Variants in BCL9 observed in about 807,000 individuals in gnomAD.
BCL9 encodes the protein BCL9 transcription coactivator.
In BCL9, 25 loss-of-function variants were observed where a neutral mutation model predicts 88.5. The observed-to-expected ratio is 0.28, with a 90% CI of 0.21 to 0.39. BCL9 has a LOEUF of 0.39. Ranked by LOEUF, BCL9 falls within the 10% of genes least tolerant of loss-of-function variation. The pLI is 1.00. For missense variants in BCL9, 1,817 were observed against 1,877.8 expected (o/e 0.97, Z 0.60); for synonymous variants, 711 against 673.3 (o/e 1.06, Z -0.87).
At position 147,613,010 on chromosome 1, in the gene BCL9, C is replaced by A. The variant is rs1553202897; in HGVS notation, c.181C>A (p.Pro61Thr). 1.9e-6 allele frequency: 3 copies of A among 1,603,598 alleles called. No homozygotes were observed. The East Asian group carries it at 6.7e-5, about 36-fold the overall frequency. The part of the protein sequence containing the change: ...KQGGSASQSQ[P>T]SPCDSKSGGH... Reference sequence around the variant, plus strand: ...GGGGGGCTCAGCCAGCCAATCCCAGCCATCCCCCTGTGACTCCAAGAGTGG... The same window carrying A: ...GGGGGGCTCAGCCAGCCAATCCCAGACATCCCCCTGTGACTCCAAGAGTGG... Residue 61 changes from proline (P) to threonine (T), a missense_variant, in exon 5 of 10, where the codon CCA becomes ACA. Transcript: ENST00000234739.
intron 3 of BCL9, among the ~76,000 whole-genome samples, chr1:147,610,979 A>C (rs1657971635): frequency 6.6e-6 from 1 of 152,230 alleles, no homozygotes; most frequent in Admixed American, 6.5e-5. Context: ...TTTAATAGAA[A>C]GATCATGGAA....
chr1:147,619,438 C>G lies in BCL9; in HGVS notation c.1283C>G (p.Ala428Gly), dbSNP rs1553204571. Residue 428 changes from alanine to glycine, a missense_variant, in exon 8 of 10, where the codon GCT becomes GGT. By Grantham distance (60) the Ala-to-Gly change is moderately conservative. Coordinates refer to ENST00000234739, the MANE Select transcript of BCL9 (RefSeq NM_004326.4). The surrounding 1 kb of genome is among the most constrained non-coding windows in gnomAD (Gnocchi z 4.1). ...CCTGGGCCCCGGACAGACGTGGGAG[C>G]TCCATTTGGCCCTCAAGGACATAGA... is the stretch of plus-strand genomic sequence containing the variant. ...KGPGPRTDVG[A>G]PFGPQGHRDV... The G allele has an allele frequency of 1.2e-6, 2 of 1,614,144 alleles. No individual in the cohort carries two copies. Among genetic ancestry groups the G allele is most frequent in the Admixed American group, 3.3e-5 (2 of 60,026 alleles).
chr1:147,581,484 A>G (rs1365692972), intron 1 of BCL9, among the ~76,000 whole-genome samples: 2 of 152,226 alleles, frequency 1.3e-5, no homozygotes, highest in Non-Finnish European at 2.9e-5. Flanking sequence ...CGATAATAAA[A>G]CAAAAGAAGC....
rs782788303 is a variant in BCL9, at chr1:147,614,455, C to T, written c.399C>T (p.Ser133=). 15 of 1,613,752 alleles carry T rather than the reference C, an allele frequency of 9.3e-6. No individual in the cohort carries two copies. The South Asian group carries it at 9.9e-5, about 11-fold the overall frequency. ...KECNSADHIK[S]QDSQHTPHSM... Reference sequence around the variant, plus strand: ...GTAATTCTGCTGACCACATAAAGTCCCAGGATTCCCAGCACACACCACACT... The same window carrying T: ...GTAATTCTGCTGACCACATAAAGTCTCAGGATTCCCAGCACACACCACACT... The change falls in exon 6 of 10, where the codon TCC becomes TCT. Residue 133 remains serine (S), a synonymous_variant. Coordinates refer to ENST00000234739, the MANE Select transcript of BCL9 (RefSeq NM_004326.4).
At chr1:147,565,107 C>T (rs1655544645) in intron 1 of BCL9, among the ~76,000 whole-genome samples, 1 of 152,118 alleles carries the variant, frequency 6.6e-6, no homozygotes, top group South Asian at 2.1e-4. Flanking sequence ...AATGCTTTCT[C>T]TCCCAACTTT....
chr1:147,542,107 G>T (rs1553193863), intron 1 of BCL9, among the ~76,000 whole-genome samples: 1 of 152,178 alleles, frequency 6.6e-6, no homozygotes, highest in African/African-American at 2.4e-5. Flanking sequence ...TCCGCCGAGT[G>T]ACTGCAGAGA....
At chr1:147,615,610 T>C (rs1658237923) in intron 6 of BCL9, among the ~76,000 whole-genome samples, 193 bp from the exon 7 acceptor site, 1 of 152,256 alleles carries the variant, frequency 6.6e-6, no homozygotes, top group Non-Finnish European at 1.5e-5. Context: ...CTTTTAATTT[T>C]AGAAGTTTGA....
intron 1 of BCL9, among the ~76,000 whole-genome samples, chr1:147,550,482 A>G (rs1654840573): frequency 6.6e-6 from 1 of 152,192 alleles, no homozygotes; most frequent in Non-Finnish European, 1.5e-5. Flanking sequence ...GGGAGAGGGA[A>G]GTGTATTAGA....
intron 5 of BCL9, 40 bp downstream of exon 5, chr1:147,613,239 T>C: frequency 6.2e-7 from 1 of 1,606,982 alleles, no homozygotes; most frequent in Non-Finnish European, 8.5e-7. Flanking sequence ...GGGAAGTAGG[T>C]GTTCCTGAGG....
intron 1 of BCL9, among the ~76,000 whole-genome samples, chr1:147,597,301 T>C (rs1390505): frequency 0.31 from 47,386 of 152,158 alleles, 12,586 homozygotes; most frequent in African/African-American, 0.71. Flanking sequence ...ATAAATGCTA[T>C]GATTAGCTAA....
At chr1:147,543,031 T>A (rs782223709) in intron 1 of BCL9, among the ~76,000 whole-genome samples, 2 of 152,234 alleles carry the variant, frequency 1.3e-5, no homozygotes, top group African/African-American at 4.8e-5. Context: ...TACTCGCCGG[T>A]GGTTTTGTGG....
intron 1 of BCL9, among the ~76,000 whole-genome samples, chr1:147,566,583 T>C (rs1160030616): frequency 1.3e-5 from 2 of 151,616 alleles, no homozygotes; most frequent in African/African-American, 2.4e-5. Flanking sequence ...GGTGAAACCC[T>C]GTCTCTACTA....
chr1:147,622,423 C>T lies in BCL9; in HGVS notation c.3055C>T (p.Pro1019Ser). 1 of 1,614,170 alleles carries T rather than the reference C, an allele frequency of 6.2e-7. No individual in the cohort carries two copies. Among genetic ancestry groups the T allele is most frequent in the Non-Finnish European group, 8.5e-7 (1 of 1,180,034 alleles). Residue 1019 changes from proline (P) to serine (S), a missense_variant, in exon 9 of 10, where the codon CCC (proline) becomes TCC (serine). Pro to Ser is a moderately conservative substitution (Grantham distance 74). Around this residue, in one of 2 missense-constraint regions of BCL9, gnomAD observed 589 missense variants for 686.2 expected, o/e 0.86. Coordinates refer to ENST00000234739, the MANE Select transcript of BCL9 (RefSeq NM_004326.4). ...MMSRMSKFAMPSSTPLYHDAI... is the reference protein window; with the variant it reads ...MMSRMSKFAMSSSTPLYHDAI... ...GTCTCGAATGTCCAAGTTTGCAATG[C>T]CCAGTTCCACCCCGTTATACCATGA...
chr1:147,570,702 C>T (rs1478560334), intron 1 of BCL9, among the ~76,000 whole-genome samples: 4 of 134,934 alleles, frequency 3.0e-5, no homozygotes, highest in African/African-American at 8.3e-5. Context: ...ATGGCAAGAT[C>T]TCAGCTCACT....
intron 1 of BCL9, among the ~76,000 whole-genome samples, chr1:147,567,862 C>G (rs1198361516): frequency 2.6e-5 from 4 of 152,116 alleles, no homozygotes; most frequent in Non-Finnish European, 4.4e-5. Flanking sequence ...TGCTAGTGAC[C>G]CAGCAGGTCT....
chr1:147,583,188 A>G (rs1464918332), intron 1 of BCL9, among the ~76,000 whole-genome samples: 1 of 152,152 alleles, frequency 6.6e-6, no homozygotes, highest in African/African-American at 2.4e-5. Context: ...TAAGAATATT[A>G]ATGTCTTTTC....
intron 1 of BCL9, among the ~76,000 whole-genome samples, chr1:147,582,635 C>G (rs1380398062): frequency 6.6e-6 from 1 of 152,112 alleles, no homozygotes; most frequent in African/African-American, 2.4e-5. Context: ...GGGAAAAAAT[C>G]AACAGAATAA....
intron 1 of BCL9, among the ~76,000 whole-genome samples, chr1:147,544,498 C>T (rs1553194084): frequency 6.6e-6 from 1 of 152,312 alleles, no homozygotes; most frequent in East Asian, 1.9e-4. Flanking sequence ...CATGAAGTAA[C>T]TTCACTCTTG....
chr1:147,620,585 T>G lies in BCL9; in HGVS notation c.2430T>G (p.Thr810=). The G allele has an allele frequency of 2.5e-6, 4 of 1,614,142 alleles. No individual in the cohort carries two copies. The highest frequency in any genetic ancestry group is 3.4e-6 in the Non-Finnish European group (4 of 1,180,018). Residue 810 remains threonine, a synonymous_variant, in exon 8 of 10, where the codon ACT becomes ACG. Transcript: ENST00000234739. ...LREPIGPDQR[T]NSRLSHMPPL... is the part of the protein sequence containing the mutation. ...AACCAATTGGGCCCGACCAGAGGACTAACAGCCGGCTCAGTCATATGCCAC... is the reference window on the plus strand; with the variant it reads ...AACCAATTGGGCCCGACCAGAGGACGAACAGCCGGCTCAGTCATATGCCAC...
Sources: gnomAD v4.1 joint callset for allele counts (sites outside exome capture counted in the v4.1 genomes callset) on GRCh38, gnomAD v4.1.1 for gene constraint, gnomAD v4.1.1 regional missense constraint, Gnocchi (gnomAD v3.1) non-coding constraint, MANE v1.5 for transcripts, NCBI Gene and HGNC (gene_info 2026-07-23, HGNC 2026-07-21) for gene names.